DOCK10: variants seen among roughly 807,000 people sequenced by gnomAD.
DOCK10 encodes dedicator of cytokinesis 10, also known as dedicator of cytokinesis protein 10.
A neutral mutation model predicts 280.1 loss-of-function variants in DOCK10; 145 were observed. That is an observed-to-expected ratio of 0.52 (90% CI 0.45 to 0.59). The LOEUF (loss-of-function observed/expected upper bound fraction) is 0.59. DOCK10 is among the 20% of genes least tolerant of loss of function. The pLI, the probability that DOCK10 is intolerant of heterozygous loss-of-function variation, is 0.00. For synonymous variants in DOCK10, 915 were observed against 942.2 expected, an observed-to-expected ratio of 0.97 and a Z score of 0.53; for missense variants, 2,368 against 2,651.7, an observed-to-expected ratio of 0.89 and a Z score of 2.35.
intron 14 of DOCK10, among the ~76,000 whole-genome samples, chr2:224,857,736 G>C (rs749864425): frequency 3.3e-5 from 5 of 151,718 alleles, no homozygotes; most frequent in Non-Finnish European, 7.4e-5. Context: ...ATTACACAAT[G>C]TGTGGTCAAA....
chr2:224,790,066 C>A (rs1692059049), intron 47 of DOCK10, among the ~76,000 whole-genome samples: 1 of 152,192 alleles, frequency 6.6e-6, no homozygotes, highest in African/African-American at 2.4e-5. Context: ...CAGGCGTGAG[C>A]CACTGCGCCT....
rs751002498 is a variant in DOCK10, at chr2:224,841,906, C to CA, written c.2569-11dup. On this transcript the variant is annotated splice_polypyrimidine_tract_variant and intron_variant, in intron 22 of 55. Transcript: ENST00000258390. Reference sequence around the variant, plus strand: ...CATTCACATGTGGATCCTACAACAGCAAAAAAAAAGTATTTATTTCTGATG... The same window carrying CA: ...CATTCACATGTGGATCCTACAACAGCAAAAAAAAAAGTATTTATTTCTGATG... The CA allele has an allele frequency of 2.1e-4, 331 of 1,551,350 alleles. No individual in the cohort carries two copies. The highest frequency in any genetic ancestry group is 2.3e-4 in the Non-Finnish European group (264 of 1,135,912).
At position 224,834,171 on chromosome 2, in the gene DOCK10, T is replaced by C; in HGVS notation, c.2943A>G (p.Thr981=). Residue 981 remains threonine (T), a synonymous_variant, in exon 26 of 56, where the codon ACA becomes ACG. Coordinates refer to ENST00000258390, the MANE Select transcript of DOCK10 (RefSeq NM_014689.3). ...TTACCTTTAGGACATGCTTTACTGT[T>C]GTTGAGTCATTTGATTTCAAAAGAC... ...VTGLLKSNDS[T]TVKHVLKHSW... 6.2e-7 allele frequency: 1 copy of C among 1,610,980 alleles called. No individual in the cohort carries two copies. Among genetic ancestry groups the C allele is most frequent in the Non-Finnish European group, 8.5e-7 (1 of 1,177,134 alleles).
At chr2:224,799,904 A>G (rs139352518) in intron 41 of DOCK10, among the ~76,000 whole-genome samples, 1 of 152,312 alleles carries the variant, frequency 6.6e-6, no homozygotes, top group African/African-American at 2.4e-5. Flanking sequence ...GTGAAGCAAG[A>G]TAAATGAGGA....
At chr2:225,026,113 C>T (rs1689914311) in intron 1 of DOCK10, among the ~76,000 whole-genome samples, 2 of 152,168 alleles carry the variant, frequency 1.3e-5, no homozygotes, top group African/African-American at 4.8e-5. Flanking sequence ...CTCTGGGTAG[C>T]TGGTGGCACG....
chr2:224,967,495 A>G (rs1159955004), intron 1 of DOCK10, among the ~76,000 whole-genome samples: 1 of 152,100 alleles, frequency 6.6e-6, no homozygotes, highest in Non-Finnish European at 1.5e-5. Context: ...GGGTAGGTCA[A>G]CCCCAAAGTA....
chr2:225,011,074 A>C (rs1689421762), intron 1 of DOCK10, among the ~76,000 whole-genome samples: 1 of 152,282 alleles, frequency 6.6e-6, no homozygotes, highest in Non-Finnish European at 1.5e-5. Context: ...AAGCAAAAGT[A>C]GTGATGGAAA....
In DOCK10 at chr2:224,823,645, A is replaced by G. The variant is rs949903659; in HGVS notation, c.3039T>C (p.Leu1013=). The change falls in exon 28 of 56, where the codon CTT becomes CTC. Residue 1013 remains leucine, a splice_region_variant and synonymous_variant. Transcript: ENST00000258390. ...ATTCAGGAAATCTCTGAGGCCGGGG[A>G]AGCTAAGGAAAGAACGGATTATATC... The part of the protein sequence containing the change: ...QHLIDTNKIQ[L]PRPQRFPESY... 1 of 1,590,072 alleles carries G rather than the reference A, an allele frequency of 6.3e-7. No individual in the cohort carries two copies. The highest frequency in any genetic ancestry group is 1.4e-5 in the African/African-American group (1 of 73,392).
At chr2:224,920,648 C>G (rs941423940) in intron 2 of DOCK10, among the ~76,000 whole-genome samples, 1 of 116,718 alleles carries the variant, frequency 8.6e-6, no homozygotes, top group Non-Finnish European at 2.0e-5. Flanking sequence ...GAACATTAGA[C>G]ATTTTTCTTT....
intron 3 of DOCK10, among the ~76,000 whole-genome samples, chr2:224,901,993 A>T (rs1240179324): frequency 6.6e-6 from 1 of 152,206 alleles, no homozygotes; most frequent in East Asian, 1.9e-4. Flanking sequence ...CATCTGTATC[A>T]TTTTCTTCTG....
At chr2:225,023,553 C>G (rs1249313022) in intron 1 of DOCK10, among the ~76,000 whole-genome samples, 1 of 152,072 alleles carries the variant, frequency 6.6e-6, no homozygotes, top group African/African-American at 2.4e-5. Flanking sequence ...AAAAGTCTGA[C>G]AAGTTTACTG....
chr2:224,769,103 C>G (rs1690247408), intron 55 of DOCK10, among the ~76,000 whole-genome samples: 1 of 152,186 alleles, frequency 6.6e-6, no homozygotes, highest in Non-Finnish European at 1.5e-5. Context: ...TTTCCCCATT[C>G]TATCAAGTCA....
intron 3 of DOCK10, among the ~76,000 whole-genome samples, chr2:224,907,669 C>T (rs988413959): frequency 7.7e-6 from 1 of 129,888 alleles, no homozygotes; most frequent in African/African-American, 3.1e-5. Context: ...ACCTGGGCGA[C>T]AGAGCGAGAC....
intron 50 of DOCK10, among the ~76,000 whole-genome samples, chr2:224,781,161 C>G (rs1399366401): frequency 6.6e-6 from 1 of 152,194 alleles, no homozygotes; most frequent in Non-Finnish European, 1.5e-5. Context: ...TTTTATGCAG[C>G]TTAACTCAGT....
At chr2:224,992,560 T>G (rs1255429150) in intron 1 of DOCK10, among the ~76,000 whole-genome samples, 1 of 152,230 alleles carries the variant, frequency 6.6e-6, no homozygotes, top group African/African-American at 2.4e-5. Flanking sequence ...ATTCAGAAGA[T>G]TAACTTGATA....
intron 2 of DOCK10, among the ~76,000 whole-genome samples, chr2:224,921,216 C>A (rs1222834216): frequency 2.7e-5 from 4 of 146,380 alleles, no homozygotes; most frequent in Non-Finnish European, 4.5e-5. Context: ...GCAGGAGAAT[C>A]ACTCGAACCT....
At chr2:224,891,545 C>T (rs372435858) in intron 4 of DOCK10, among the ~76,000 whole-genome samples, 157 of 152,300 alleles carry the variant, frequency 1.0e-3, no homozygotes, top group African/African-American at 3.6e-3. Flanking sequence ...TTTCCATACT[C>T]TTTCTTTAAT....
chr2:225,000,931 G>A (rs139628610), intron 1 of DOCK10, among the ~76,000 whole-genome samples: 2 of 152,268 alleles, frequency 1.3e-5, no homozygotes, highest in South Asian at 2.1e-4. Context: ...AGCCGAGATC[G>A]TGCCACTGCA....
intron 1 of DOCK10, among the ~76,000 whole-genome samples, chr2:224,977,695 G>A (rs1180796930): frequency 2.6e-5 from 4 of 152,104 alleles, no homozygotes; most frequent in East Asian, 1.9e-4. Flanking sequence ...TGACTGCATC[G>A]TAACAGGCCA....
Sources: allele counts gnomAD v4.1 joint callset (sites outside exome capture counted in the v4.1 genomes callset), GRCh38; gene constraint gnomAD v4.1.1; transcripts MANE v1.5; gene names NCBI Gene and HGNC (gene_info 2026-07-23, HGNC 2026-07-21).